The following WDR44 variants were observed in gnomAD, a reference collection of about 807,000 sequenced individuals.
WDR44 encodes WD repeat domain 44.
Under a neutral mutation model 65.7 loss-of-function variants are expected in WDR44, and 9 were observed. The ratio of observed to expected loss-of-function variants is 0.14; its 90% confidence interval spans 0.08 to 0.24. WDR44 has a LOEUF of 0.24. Among genes scored for constraint, WDR44 ranks in the 10% least tolerant of loss-of-function variants. The pLI is 1.00. For missense variants in WDR44, 425 were observed against 670.9 expected (o/e 0.63, Z 4.05); for synonymous variants, 220 against 235.2 (o/e 0.94, Z 0.59).
rs1260423712 is a variant in WDR44 at position 118,449,081 on chromosome X, T to G, written c.*94T>G. 1 of 553,617 alleles carries G rather than the reference T, an allele frequency of 1.8e-6. No homozygotes were observed. Among genetic ancestry groups the G allele is most frequent in the African/African-American group, 2.4e-5 (1 of 42,506 alleles). 45.6% of individuals were successfully genotyped at this position (553,617 alleles called of 1,213,427 possible). On this transcript the variant is annotated 3_prime_UTR_variant, in exon 20 of 20. Transcript: ENST00000254029. ...TCCAGGCTAACATACTTTTTTAATT[T>G]TTATTGAAAGTTGTTCAAATATAAT...
At chrX:118,347,720 C>T (rs764840281) in intron 1 of WDR44, among the ~76,000 whole-genome samples, 1 of 112,278 alleles carries the variant, frequency 8.9e-6, no homozygotes, top group South Asian at 3.6e-4. Context: ...TATGTTTATA[C>T]ACAATATGCA....
At chrX:118,378,692 T>C (rs1287185553) in intron 2 of WDR44, among the ~76,000 whole-genome samples, 1 of 86,879 alleles carries the variant, frequency 1.2e-5, no homozygotes, top group Non-Finnish European at 2.0e-5. Flanking sequence ...TTGTTTATAA[T>C]ATCTAGAATA....
At chrX:118,369,272 C>T (rs946122225) in intron 1 of WDR44, among the ~76,000 whole-genome samples, 1 of 108,724 alleles carries the variant, frequency 9.2e-6, no homozygotes, top group Non-Finnish European at 1.9e-5. Flanking sequence ...CCCGGGTTCA[C>T]GCCATTCTCC....
chrX:118,386,539 C>A (rs992156889), intron 2 of WDR44: 3 of 324,873 alleles, frequency 9.2e-6, no homozygotes, highest in Non-Finnish European at 1.7e-5. Flanking sequence ...GTCTTGATTT[C>A]TTTTATCTAA....
At chrX:118,383,757 G>C (rs1602898628) in intron 2 of WDR44, among the ~76,000 whole-genome samples, 1 of 85,752 alleles carries the variant, frequency 1.2e-5, no homozygotes, top group African/African-American at 4.6e-5. Context: ...GTCTCGCTCT[G>C]TCCCAGGCTG....
intron 19 of WDR44, 47 bp from the exon 20 acceptor site, chrX:118,448,846 C>A: frequency 1.1e-6 from 1 of 950,468 alleles, no homozygotes; most frequent in East Asian, 3.2e-5. Context: ...CAGCAGGCTT[C>A]ATATTCCTTT....
At chrX:118,378,709 C>CGTGTGTGTGTGTGTGT (rs61698360) in intron 2 of WDR44, among the ~76,000 whole-genome samples, 1,561 of 94,422 alleles carry the variant, frequency 0.017, 25 homozygotes, top group East Asian at 0.038. Flanking sequence ...AATAAAAGAA[C>CGTGTGTGTGTGTGTGT]GTGTGTGTGT....
At chrX:118,369,802 C>G (rs998554097) in intron 1 of WDR44, among the ~76,000 whole-genome samples, 1 of 111,984 alleles carries the variant, frequency 8.9e-6, no homozygotes, top group Non-Finnish European at 1.9e-5. Context: ...GGATATAATG[C>G]ATTAAAATGT....
At chrX:118,410,113 A>G (rs375493762) in intron 11 of WDR44, among the ~76,000 whole-genome samples, 1 of 112,336 alleles carries the variant, frequency 8.9e-6, no homozygotes, top group African/African-American at 3.2e-5. Flanking sequence ...ATATTTATGT[A>G]TCATGGTGTT....
At position 118,393,595 on chromosome X, in the gene WDR44, A is replaced by G. The variant is rs1251754392; in HGVS notation, c.826+324A>G. On this transcript the variant is annotated intron_variant, in intron 4 of 19. Transcript: ENST00000254029. ...TGATCAGAGTGAAATCTTGTCTCAA[A>G]AAAAAAAAAAAAGAGAGAAATAACT... Among the ~76,000 whole-genome samples, 40 of 109,146 alleles carry G rather than the reference A, an allele frequency of 3.7e-4. No individual in the cohort carries two copies. In the Admixed American group the frequency reaches 3.9e-3, roughly 11 times the overall value. 94.8% of individuals were successfully genotyped at this position (109,146 alleles called of 115,157 possible).
At chrX:118,426,705 CA>C (rs1291269470) in intron 12 of WDR44, among the ~76,000 whole-genome samples, 71 of 93,774 alleles carry the variant, frequency 7.6e-4, no homozygotes, top group South Asian at 1.4e-3. Flanking sequence ...GACCCTATCT[CA>C]AAAAAAAAAA....
chrX:118,367,097 AAAATG>A (rs2147672532), intron 1 of WDR44, among the ~76,000 whole-genome samples: 1 of 112,262 alleles, frequency 8.9e-6, no homozygotes, highest in African/African-American at 3.2e-5. Context: ...AAAAAAAAAA[AAAATG>A]AAATGGTTTC....
intron 1 of WDR44, among the ~76,000 whole-genome samples, chrX:118,368,480 T>TATATATATATAC (rs1487283299): frequency 1.0e-5 from 1 of 98,615 alleles, no homozygotes; most frequent in African/African-American, 4.0e-5. Context: ...TATATATATA[T>TATATATATATAC]ACTTCTTGAG....
chrX:118,441,359 C>T lies in WDR44; in HGVS notation c.1975-9C>T, dbSNP rs775526503. The T allele has an allele frequency of 5.1e-6, 6 of 1,183,312 alleles. No individual in the cohort carries two copies. The South Asian group carries it at 9.5e-5, about 19-fold the overall frequency. ...AAAATGAAAACTTTCTCTGTTGCCACCTCTTTAGGATGACAGGTATTTTCT... is the reference window on the plus strand; with the variant it reads ...AAAATGAAAACTTTCTCTGTTGCCATCTCTTTAGGATGACAGGTATTTTCT... On this transcript the variant is annotated splice_polypyrimidine_tract_variant and intron_variant, in intron 14 of 19. Transcript: ENST00000254029.
At chrX:118,420,591 C>A (rs760718476) in intron 12 of WDR44, among the ~76,000 whole-genome samples, 1 of 111,866 alleles carries the variant, frequency 8.9e-6, no homozygotes, top group Admixed American at 9.5e-5. Context: ...TTATCTCCCC[C>A]ACAATAAGAT....
intron 6 of WDR44, among the ~76,000 whole-genome samples, chrX:118,396,533 ACAT>A (rs984857039): frequency 1.8e-5 from 2 of 112,318 alleles, no homozygotes; most frequent in African/African-American, 6.5e-5. Flanking sequence ...AACCTTGAAA[ACAT>A]CATGTTAAGT....
rs62608454 is a variant in WDR44 at position 118,449,583 on chromosome X, A to G, written c.*596A>G. The stretch of plus-strand genomic sequence containing the variant: ...GTGGGCTTAAGATTCTTTTCTTTAT[A>G]TGTGTACATATAATTTTTTTTTCTT... On this transcript the variant is annotated 3_prime_UTR_variant, in exon 20 of 20. Coordinates refer to ENST00000254029, the MANE Select transcript of WDR44 (RefSeq NM_019045.5). 10,499 of 110,405 alleles carry G rather than the reference A, an allele frequency of 0.095. 453 individuals carry two copies. Among genetic ancestry groups the G allele is most frequent in the African/African-American group, 0.15 (4,631 of 30,362 alleles). 9.1% of individuals were successfully genotyped at this position (110,405 alleles called of 1,213,427 possible). A position where few individuals can be genotyped will look rare whatever the true frequency, so the allele number is the denominator to read the frequency against.
intron 19 of WDR44, among the ~76,000 whole-genome samples, chrX:118,448,117 G>A (rs972460767): frequency 9.1e-6 from 1 of 109,570 alleles, no homozygotes; most frequent in Non-Finnish European, 1.9e-5. Flanking sequence ...GGGTGGTAAA[G>A]GAATGTTCAA....
At position 118,447,878 on chromosome X, in the gene WDR44, AT is replaced by A. The variant is rs1425818091; in HGVS notation, c.2648-1014del. On this transcript the variant is annotated intron_variant, in intron 19 of 19. Coordinates refer to ENST00000254029, the MANE Select transcript of WDR44 (RefSeq NM_019045.5). ...AACAGAGTGAGACTCTATCTAAAAT[AT>A]ATATATATATATATATATATATATA... 1.5e-4 allele frequency among the ~76,000 whole-genome samples: 3 copies of A among 20,299 alleles called. No individual in the cohort carries two copies. The African/African-American group carries it at 2.2e-3, about 15-fold the overall frequency. The allele number at this position is 20,299 out of a possible 115,157, so 17.6% of individuals were successfully genotyped here.
Sources: gnomAD v4.1 joint callset for allele counts (sites outside exome capture counted in the v4.1 genomes callset) on GRCh38, gnomAD v4.1.1 for gene constraint, MANE v1.5 for transcripts, NCBI Gene and HGNC (gene_info 2026-07-23, HGNC 2026-07-21) for gene names.